The following MYH9 variants were observed in gnomAD, a reference collection of about 807,000 sequenced individuals.
MYH9 encodes myosin-9.
A neutral mutation model predicts 241.9 loss-of-function variants in MYH9; 29 were observed. The ratio of observed to expected loss-of-function variants is 0.12; its 90% CI spans 0.09 to 0.16. MYH9 has a LOEUF of 0.16. MYH9 is among the 10% of genes least tolerant of loss of function. MYH9 has a pLI of 1.00. For synonymous variants in MYH9, 1,047 were observed against 1,062.6 expected (o/e 0.99, Z 0.29); for missense variants, 1,803 against 2,595.5 (o/e 0.69, Z 6.63).
Position 36,302,659 on chromosome 22 carries a change from T to C in MYH9, c.2408A>G (p.Gln803Arg). Residue 803 changes from glutamine to arginine, a missense_variant, in exon 20 of 41, where the codon CAG (glutamine) becomes CGG (arginine). Gln to Arg is a conservative substitution (Grantham distance 43, BLOSUM62 1). Around this residue, in one of 11 missense-constraint regions of MYH9, gnomAD observed 72 missense variants for 83.3 expected, o/e 0.86. Transcript: ENST00000216181. ...GACCTTCATGGCGGTAAGCTGCTGC[T>C]GCCGCTTGGCAAATGCTCTGTGTGG... Reference protein sequence around the residue: ...YLARKAFAKRQQQLTAMKVLQ... With the variant: ...YLARKAFAKRRQQLTAMKVLQ... The C allele has an allele frequency of 6.2e-7, 1 of 1,613,322 alleles. No individual in the cohort carries two copies. The highest frequency in any genetic ancestry group is 8.5e-7 in the Non-Finnish European group (1 of 1,179,802).
At chr22:36,323,801 A>T (rs934026289) in intron 5 of MYH9, among the ~76,000 whole-genome samples, 10 of 152,172 alleles carry the variant, frequency 6.6e-5, no homozygotes, top group Admixed American at 6.5e-4. Context: ...CCATCCAGAC[A>T]AGTGAGGGCA....
intron 21 of MYH9, 94 bp downstream of exon 21, chr22:36,301,440 T>A: frequency 6.5e-7 from 1 of 1,550,210 alleles, no homozygotes; most frequent in South Asian, 1.1e-5. Context: ...CCTATAGTAA[T>A]AGAAACTTCC....
intron 1 of MYH9, among the ~76,000 whole-genome samples, chr22:36,369,788 T>C (rs983692837): frequency 6.6e-6 from 1 of 152,200 alleles, no homozygotes; most frequent in Non-Finnish European, 1.5e-5. Context: ...GAAGTAGATA[T>C]GGAAAATAAC....
rs2016951470 is a variant in MYH9, at chr22:36,305,327, G to A, written c.2160-225C>T. ...TTTTCCGGAAAGTGAATGGAAACTC[G>A]TGTAGGACCGTTTCAATCACTCAAG... On this transcript the variant is annotated intron_variant, in intron 17 of 40. Transcript: ENST00000216181. The surrounding 1 kb of genome is among the most constrained non-coding windows in gnomAD (Gnocchi z 4.7). 1.3e-5 allele frequency among the ~76,000 whole-genome samples: 2 copies of A among 152,212 alleles called. No homozygotes were observed. The highest frequency in any genetic ancestry group is 4.1e-4 in the South Asian group (2 of 4,832).
chr22:36,365,758 G>A (rs2018000883), intron 1 of MYH9, among the ~76,000 whole-genome samples: 1 of 152,128 alleles, frequency 6.6e-6, no homozygotes, highest in African/African-American at 2.4e-5. Flanking sequence ...ACCGCACCCG[G>A]CCTTTTTTTA....
chr22:36,327,064 A>G (rs753084681), intron 4 of MYH9, among the ~76,000 whole-genome samples: 21 of 152,218 alleles, frequency 1.4e-4, no homozygotes, highest in Non-Finnish European at 2.5e-4. Context: ...CTCCTTGTTA[A>G]GTTCAGAGGC....
In MYH9 at chr22:36,320,929, G is replaced by A; in HGVS notation, c.770-33C>T. The A allele has an allele frequency of 1.3e-6, 2 of 1,587,098 alleles. No individual in the cohort carries two copies. Among genetic ancestry groups the A allele is most frequent in the South Asian group, 2.2e-5 (2 of 90,154 alleles). ...AATATTAAGGAGCAACACAAGCTGG[G>A]GAGAAGGCAAGCCCTCCACTTTCCT... On this transcript the variant is annotated intron_variant, in intron 7 of 40. Transcript: ENST00000216181. This position sits in a 1 kb window ranked among gnomAD's most constrained non-coding sequence, Gnocchi z 4.8.
chr22:36,385,247 GA>G lies in MYH9; in HGVS notation c.-20+2559del, dbSNP rs779539675. Among the ~76,000 whole-genome samples, 3 of 151,714 alleles carry G rather than the reference GA, an allele frequency of 2.0e-5. No homozygotes were observed. In the South Asian group the frequency reaches 6.2e-4, roughly 32 times the overall value. Reference sequence around the variant, plus strand: ...GAGAAGGGTAGGGCCAGGCTCAGAGGAAAACAACAGCCAACCCCTCCTCTCC... The same window carrying G: ...GAGAAGGGTAGGGCCAGGCTCAGAGGAAACAACAGCCAACCCCTCCTCTCC... On this transcript the variant is annotated intron_variant, in intron 1 of 40. Coordinates refer to ENST00000216181, the MANE Select transcript of MYH9 (RefSeq NM_002473.6).
chr22:36,292,178 C>T lies in MYH9; in HGVS notation c.4152G>A (p.Glu1384=). 6.2e-7 allele frequency: 1 copy of T among 1,614,194 alleles called. No homozygotes were observed. Among genetic ancestry groups the T allele is most frequent in the South Asian group, 1.1e-5 (1 of 91,088 alleles). ...CCTTCTGGAGCTTCCTCTTCACCTC[C>T]TCAGCAGTTTCCAGGCACCCCACAC... ...EDSVGCLETA[E]EVKRKLQKDL... is the part of the protein sequence containing the mutation. The change falls in exon 31 of 41, where the codon GAG becomes GAA. Residue 1384 remains glutamate (E), a synonymous_variant. Transcript: ENST00000216181.
In MYH9 at chr22:36,312,039, C is replaced by T. The variant is rs2413396; in HGVS notation, c.1728+10G>A. ...GATCTGGCCAGCACCTCCCCGTGAG[C>T]GCTCCTCACCTTGCCGGCATAGTGG... On this transcript the variant is annotated intron_variant, in intron 14 of 40. Transcript: ENST00000216181. The T allele has an allele frequency of 0.89, 1,434,771 of 1,613,564 alleles. 646,181 individuals carry two copies. The highest frequency in any genetic ancestry group is 0.92 in the Admixed American group (55,435 of 60,030).
chr22:36,320,774 TC>T lies in MYH9; in HGVS notation c.868+23del, dbSNP rs777182113. ...GGCCCAGAGCCCGGCAGCCCCGGTGTCAGGCTGCAGGCCAACTACTCACTCT... is the reference window on the plus strand; with the variant it reads ...GGCCCAGAGCCCGGCAGCCCCGGTGTAGGCTGCAGGCCAACTACTCACTCT... On this transcript the variant is annotated intron_variant, in intron 8 of 40. Coordinates refer to ENST00000216181, the MANE Select transcript of MYH9 (RefSeq NM_002473.6). The surrounding 1 kb of genome is among the most constrained non-coding windows in gnomAD (Gnocchi z 4.8). The T allele has an allele frequency of 1.9e-6, 3 of 1,574,178 alleles. No homozygotes were observed. The highest frequency in any genetic ancestry group is 2.6e-6 in the Non-Finnish European group (3 of 1,143,960).
chr22:36,288,827 C>T lies in MYH9; in HGVS notation c.4670G>A (p.Arg1557Gln), dbSNP rs373393111. The change falls in exon 33 of 41, where the codon CGG becomes CAG. Residue 1557 changes from arginine (R) to glutamine (Q), a missense_variant. Transcript: ENST00000216181. This position sits in a 1 kb window ranked among gnomAD's most constrained non-coding sequence, Gnocchi z 4.8. Reference protein sequence around the residue: ...ELQATEDAKLRLEVNLQAMKA... With the variant: ...ELQATEDAKLQLEVNLQAMKA... ...CATGGCCTGCAGGTTGACCTCCAAC[C>T]GCAGCTTGGCATCTTCGGTGGCCTG... The T allele has an allele frequency of 7.4e-6, 12 of 1,613,680 alleles. No individual in the cohort carries two copies. Among genetic ancestry groups the T allele is most frequent in the Admixed American group, 5.0e-5 (3 of 60,018 alleles).
At chr22:36,368,034 C>A (rs1367927409) in intron 1 of MYH9, among the ~76,000 whole-genome samples, 1 of 152,204 alleles carries the variant, frequency 6.6e-6, no homozygotes, top group Non-Finnish European at 1.5e-5. Flanking sequence ...TGCATACAGA[C>A]ACCCCAGAGG....
At chr22:36,379,937 G>C (rs993801934) in intron 1 of MYH9, among the ~76,000 whole-genome samples, 1 of 152,234 alleles carries the variant, frequency 6.6e-6, no homozygotes, top group African/African-American at 2.4e-5. Flanking sequence ...CAGAAGCCTA[G>C]GTTACTTTTT....
intron 1 of MYH9, among the ~76,000 whole-genome samples, chr22:36,369,341 T>C (rs1287123003): frequency 6.6e-6 from 1 of 152,218 alleles, no homozygotes; most frequent in Non-Finnish European, 1.5e-5. Context: ...ATTAATCTCA[T>C]GATGAGGCGT....
At chr22:36,297,838 A>C (rs2016812508) in intron 24 of MYH9, among the ~76,000 whole-genome samples, 1 of 152,206 alleles carries the variant, frequency 6.6e-6, no homozygotes, top group Non-Finnish European at 1.5e-5. Flanking sequence ...CGGCATGCTA[A>C]GTTTCAACCT....
chr22:36,322,959 AG>A (rs1246537785), intron 5 of MYH9, among the ~76,000 whole-genome samples: 1 of 152,186 alleles, frequency 6.6e-6, no homozygotes, highest in African/African-American at 2.4e-5. Context: ...AAAGCAAATG[AG>A]GGGATCGGAT....
At chr22:36,308,205 C>T (rs554785426) in intron 15 of MYH9, among the ~76,000 whole-genome samples, 4 of 152,158 alleles carry the variant, frequency 2.6e-5, no homozygotes, top group South Asian at 4.1e-4. Context: ...CAGTTTAAGA[C>T]GCTGTCTTTA....
Position 36,285,560 on chromosome 22 carries a change from C to G in MYH9, c.5274+98G>C, listed in dbSNP as rs1188345800. 3.2e-6 allele frequency: 5 copies of G among 1,571,020 alleles called. No individual in the cohort carries two copies. Among genetic ancestry groups the G allele is most frequent in the African/African-American group, 2.7e-5 (2 of 74,220 alleles). ...TTTCCCCTAAGCGCCTGGGGAGCAG[C>G]TGGCACTTGGCCTGTGCTTCTGCCG... On this transcript the variant is annotated intron_variant, in intron 37 of 40. Transcript: ENST00000216181. The surrounding 1 kb of genome is among the most constrained non-coding windows in gnomAD (Gnocchi z 7.0).
Sources: gnomAD v4.1 joint callset for allele counts (sites outside exome capture counted in the v4.1 genomes callset) on GRCh38, gnomAD v4.1.1 for gene constraint, gnomAD v4.1.1 regional missense constraint, Gnocchi (gnomAD v3.1) non-coding constraint, MANE v1.5 for transcripts, NCBI Gene and HGNC (gene_info 2026-07-23, HGNC 2026-07-21) for gene names.